ING3: variants seen among roughly 807,000 people sequenced by gnomAD.
ING3 encodes the protein inhibitor of growth protein 3.
ING3 carries 6 observed loss-of-function variants against 64.8 expected under a neutral mutation model. That is an observed-to-expected ratio of 0.09 (90% CI 0.05 to 0.18). ING3 has a LOEUF of 0.18. Ranked by LOEUF, ING3 falls within the 10% of genes least tolerant of loss-of-function variation. ING3 has a pLI of 1.00. For synonymous variants in ING3, 170 were observed against 173.7 expected (o/e 0.98, Z 0.17); for missense variants, 310 against 489.7 (o/e 0.63, Z 3.46).
At chr7:120,953,040 G>A (rs1226642737) in intron 2 of ING3, among the ~76,000 whole-genome samples, 1 of 152,066 alleles carries the variant, frequency 6.6e-6, no homozygotes, top group Non-Finnish European at 1.5e-5. Flanking sequence ...AAAAATTATA[G>A]TATAGAGCCT....
chr7:120,951,340 C>T, intron 2 of ING3, 105 bp downstream of exon 2: 3 of 1,046,004 alleles, frequency 2.9e-6, no homozygotes, highest in Non-Finnish European at 4.4e-6. Flanking sequence ...CTCTGGCTCA[C>T]TCCGCTAGTG....
At chr7:120,954,709 T>C (rs1452062392) in intron 3 of ING3, among the ~76,000 whole-genome samples, 1 of 152,146 alleles carries the variant, frequency 6.6e-6, no homozygotes, top group Admixed American at 6.5e-5. Context: ...AGTCTAGTAC[T>C]CCATGGAAAT....
At chr7:120,967,890 A>G (rs746299836) in intron 7 of ING3, 44 bp from the exon 8 acceptor site, 1 of 1,594,016 alleles carries the variant, frequency 6.3e-7, no homozygotes, top group African/African-American at 1.3e-5. Context: ...CACTAACATT[A>G]TGTTCTCTGC....
Position 120,967,568 on chromosome 7 carries a change from A to G in ING3, c.476A>G (p.Asp159Gly), listed in dbSNP as rs766975352. Reference protein sequence around the residue: ...YNPTSHHTTTDHIPEKKFKSE... With the variant: ...YNPTSHHTTTGHIPEKKFKSE... ...CCAACTTCTCACCATACGACAACAG[A>G]TCATATTCCTGAAAAGAAATTTAAA... The change falls in exon 7 of 12, where the codon GAT becomes GGT. Residue 159 changes from aspartate to glycine, a missense_variant. Transcript: ENST00000315870. The G allele has an allele frequency of 3.1e-6, 5 of 1,592,278 alleles. No individual in the cohort carries two copies. Among genetic ancestry groups the G allele is most frequent in the Non-Finnish European group, 4.3e-6 (5 of 1,161,756 alleles).
intron 4 of ING3, among the ~76,000 whole-genome samples, chr7:120,957,150 T>C (rs1040712582): frequency 2.0e-5 from 3 of 152,064 alleles, no homozygotes; most frequent in Non-Finnish European, 4.4e-5. Context: ...GGAGAGTAGA[T>C]CACGAGATCA....
At chr7:120,958,286 T>C (rs968932164) in intron 4 of ING3, among the ~76,000 whole-genome samples, 1 of 152,114 alleles carries the variant, frequency 6.6e-6, no homozygotes, top group Non-Finnish European at 1.5e-5. Flanking sequence ...CATTATATCC[T>C]TAATATAAAA....
At chr7:120,964,128 T>C (rs1257082384) in intron 4 of ING3, among the ~76,000 whole-genome samples, 1 of 152,160 alleles carries the variant, frequency 6.6e-6, no homozygotes, top group East Asian at 1.9e-4. Flanking sequence ...GAAATAGTAT[T>C]ATAAATAAAA....
chr7:120,964,948 G>A (rs1795978848), intron 5 of ING3, 110 bp downstream of exon 5: 1 of 797,880 alleles, frequency 1.3e-6, no homozygotes, highest in South Asian at 1.6e-5. Flanking sequence ...ATGGATGGTG[G>A]CATCCAGGCC....
At chr7:120,956,211 A>G (rs1400047589) in intron 4 of ING3, 32 of 1,603,688 alleles carry the variant, frequency 2.0e-5, no homozygotes, top group East Asian at 6.7e-5. Flanking sequence ...AATATTCACT[A>G]TTTCTCATAT....
At chr7:120,970,556 A>C in intron 9 of ING3, 132 bp from the exon 10 acceptor site, 37 of 810,626 alleles carry the variant, frequency 4.6e-5, no homozygotes, top group Non-Finnish European at 7.1e-5. Flanking sequence ...AGTCATTGGT[A>C]AATCCGGATT....
At chr7:120,967,395 G>T in intron 6 of ING3, 134 bp from the exon 7 acceptor site, 1 of 538,538 alleles carries the variant, frequency 1.9e-6, no homozygotes, top group Middle Eastern at 5.3e-4. Context: ...CCTGCCTTCT[G>T]AGGAAACATC....
rs1447967367 is a variant in ING3 at position 120,976,219 on chromosome 7, A to T, written c.*1375A>T. On this transcript the variant is annotated 3_prime_UTR_variant, in exon 12 of 12. Transcript: ENST00000315870. ...TAGAAAAATCCTTAACTTTTAAGATACTTAATATATCATATATATTTTATA... is the reference window on the plus strand; with the variant it reads ...TAGAAAAATCCTTAACTTTTAAGATTCTTAATATATCATATATATTTTATA... 1 of 152,190 alleles carries T rather than the reference A, an allele frequency of 6.6e-6. No homozygotes were observed. The highest frequency in any genetic ancestry group is 1.9e-4 in the East Asian group (1 of 5,200). The allele number at this position is 152,190 out of a possible 1,614,324, so 9.4% of individuals were successfully genotyped here.
intron 5 of ING3, 89 bp from the exon 6 acceptor site, chr7:120,966,537 A>G (rs1356396571): frequency 1.1e-6 from 1 of 952,274 alleles, no homozygotes; most frequent in Non-Finnish European, 1.7e-6. Context: ...TCTGCTGGGT[A>G]AGGGAACTCA....
chr7:120,958,893 T>G (rs1795889595), intron 4 of ING3, among the ~76,000 whole-genome samples: 1 of 152,228 alleles, frequency 6.6e-6, no homozygotes, highest in African/African-American at 2.4e-5. Context: ...TACCTTCAAT[T>G]TATTCCTAAA....
At chr7:120,960,914 C>T (rs907113797) in intron 4 of ING3, among the ~76,000 whole-genome samples, 1 of 152,174 alleles carries the variant, frequency 6.6e-6, no homozygotes, top group Non-Finnish European at 1.5e-5. Flanking sequence ...TTGATTTATA[C>T]ATACCCTGAT....
rs114039516 is a variant in ING3 at position 120,955,651 on chromosome 7, G to A, written c.267+27G>A. 1.0e-4 allele frequency: 149 copies of A among 1,445,306 alleles called. 1 individual carries two copies. The African/African-American group carries it at 1.8e-3, about 17-fold the overall frequency. 89.5% of individuals were successfully genotyped at this position (1,445,306 alleles called of 1,614,324 possible). A position where few individuals can be genotyped will look rare whatever the true frequency, so the allele number is the denominator to read the frequency against. The stretch of plus-strand genomic sequence containing the variant: ...TAAGTAAAAGTAATGTGCATACTGT[G>A]CCATAAGTACTTGAATAACAGATTA... On this transcript the variant is annotated intron_variant, in intron 4 of 11. Transcript: ENST00000315870.
intron 4 of ING3, 134 bp from the exon 5 acceptor site, chr7:120,964,608 C>T: frequency 1.6e-6 from 1 of 633,854 alleles, no homozygotes; most frequent in Non-Finnish European, 2.8e-6. Context: ...ACCTCTGAGG[C>T]ATAGATTAAT....
chr7:120,968,335 T>A (rs1796024132), intron 8 of ING3, among the ~76,000 whole-genome samples: 1 of 152,210 alleles, frequency 6.6e-6, no homozygotes, highest in African/African-American at 2.4e-5. Flanking sequence ...TCACAATAAC[T>A]GCTCATGTTG....
intron 2 of ING3, among the ~76,000 whole-genome samples, chr7:120,952,302 A>G (rs964802911): frequency 1.3e-5 from 2 of 152,206 alleles, no homozygotes; most frequent in Non-Finnish European, 2.9e-5. Context: ...CTCTGACTGT[A>G]TTATCACTTG....
Sources: gnomAD v4.1 joint callset for allele counts (sites outside exome capture counted in the v4.1 genomes callset) on GRCh38, gnomAD v4.1.1 for gene constraint, MANE v1.5 for transcripts, NCBI Gene and HGNC (gene_info 2026-07-23, HGNC 2026-07-21) for gene names.